RNF17: variants seen among roughly 807,000 people sequenced by gnomAD.
RNF17 encodes the protein spermatogenesis associated 23.
In RNF17, 31 loss-of-function variants were observed where a neutral mutation model predicts 200.5. The observed-to-expected ratio is 0.15, with a 90% confidence interval of 0.12 to 0.21. The LOEUF (loss-of-function observed/expected upper bound fraction) is 0.21, where lower values mean the gene tolerates loss of function less well. Among genes scored for constraint, RNF17 ranks in the 10% least tolerant of loss-of-function variants. RNF17 has a pLI of 1.00. For missense variants in RNF17, 1,628 were observed against 1,905.1 expected (o/e 0.85, Z 2.71); for synonymous variants, 606 against 637.8 (o/e 0.95, Z 0.75).
intron 14 of RNF17, 33 bp from the exon 15 acceptor site, chr13:24,804,255 C>G: frequency 6.3e-7 from 1 of 1,595,736 alleles, no homozygotes; most frequent in Non-Finnish European, 8.6e-7. Flanking sequence ...AGGGTGAGAC[C>G]CTGCTTACGC....
intron 24 of RNF17, 74 bp from the exon 25 acceptor site, chr13:24,853,781 A>AT: frequency 8.8e-7 from 1 of 1,132,726 alleles, no homozygotes; most frequent in Non-Finnish European, 1.2e-6. Context: ...TATCTGAATG[A>AT]TTCTTTTTAT....
intron 1 of RNF17, among the ~76,000 whole-genome samples, chr13:24,764,604 G>T (rs1055446341): frequency 2.0e-5 from 3 of 152,214 alleles, no homozygotes; most frequent in Non-Finnish European, 4.4e-5. Flanking sequence ...GGCCCGGGTG[G>T]CTTTAATCTA....
intron 18 of RNF17, among the ~76,000 whole-genome samples, chr13:24,840,501 A>G (rs1890503888): frequency 6.7e-6 from 1 of 148,812 alleles, no homozygotes; most frequent in African/African-American, 2.5e-5. Flanking sequence ...ATGAGTGGAT[A>G]AAGAAACTGT....
intron 11 of RNF17, among the ~76,000 whole-genome samples, chr13:24,797,706 G>GTGTGTGTGTC (rs1555269373): frequency 0.015 from 854 of 56,606 alleles, 12 homozygotes; most frequent in African/African-American, 0.028. Context: ...GAGACAAAGA[G>GTGTGTGTGTC]TGTGTGTGTG....
chr13:24,770,002 C>T (rs1880419192), intron 2 of RNF17, among the ~76,000 whole-genome samples: 1 of 152,034 alleles, frequency 6.6e-6, no homozygotes. Flanking sequence ...TACCTAGGTG[C>T]TATATTAGAA....
intron 10 of RNF17, among the ~76,000 whole-genome samples, chr13:24,795,743 G>T (rs1191832629): frequency 6.6e-6 from 1 of 152,086 alleles, no homozygotes; most frequent in East Asian, 1.9e-4. Context: ...GCTTTTGTAG[G>T]TTATCCTAGA....
chr13:24,795,772 A>C (rs1430483709), intron 10 of RNF17, among the ~76,000 whole-genome samples: 1 of 152,164 alleles, frequency 6.6e-6, no homozygotes, highest in Non-Finnish European at 1.5e-5. Flanking sequence ...CATTATCAGT[A>C]GGGGTTCTGA....
In RNF17 at chr13:24,798,811, A is replaced by G. The variant is rs140664122; in HGVS notation, c.1400-584A>G. Among the ~76,000 whole-genome samples the G allele has an allele frequency of 1.9e-3, 288 of 152,166 alleles. 1 individual carries two copies. Among genetic ancestry groups the G allele is most frequent in the African/African-American group, 6.6e-3 (274 of 41,538 alleles). On this transcript the variant is annotated intron_variant, in intron 11 of 35. Transcript: ENST00000255324. Reference sequence around the variant, plus strand: ...TTCCTGGTTGTTAATTTGTAATCCAACTGGTCCCTACAAAGGTCTTCCTCT... The same window carrying G: ...TTCCTGGTTGTTAATTTGTAATCCAGCTGGTCCCTACAAAGGTCTTCCTCT...
chr13:24,854,041 T>G lies in RNF17; in HGVS notation c.3507T>G (p.Thr1169=). The G allele has an allele frequency of 6.2e-7, 1 of 1,613,978 alleles. No individual in the cohort carries two copies. Residue 1169 remains threonine, a synonymous_variant, in exon 25 of 36, where the codon ACT becomes ACG. Coordinates refer to ENST00000255324, the MANE Select transcript of RNF17 (RefSeq NM_031277.3). ...AGAAAATTCTAGAACCAAGAACCAC[T>G]AGAGGGTATAAGCCACCAGCTATTC... ...FQEKILEPRT[T]RGYKPPAIPN... is the part of the protein sequence containing the mutation.
At chr13:24,771,139 CTTG>C (rs1177927055) in intron 2 of RNF17, among the ~76,000 whole-genome samples, 1 of 151,854 alleles carries the variant, frequency 6.6e-6, no homozygotes, top group African/African-American at 2.4e-5. Flanking sequence ...TTTTTCCTAA[CTTG>C]TTGTTTGTTG....
the RNF17 span, among the ~76,000 whole-genome samples, chr13:24,752,607 G>A: frequency 2.6e-4 from 39 of 152,350 alleles, no homozygotes; most frequent in African/African-American, 8.9e-4. Flanking sequence ...TGGCCATCAA[G>A]ATAATTAAAG....
intron 6 of RNF17, among the ~76,000 whole-genome samples, chr13:24,784,552 T>C (rs1445380700): frequency 1.3e-5 from 2 of 152,210 alleles, no homozygotes; most frequent in Non-Finnish European, 2.9e-5. Context: ...AATACTTTTA[T>C]GAGTCAGTTG....
chr13:24,792,839 G>T (rs1180002666), intron 9 of RNF17, among the ~76,000 whole-genome samples: 1 of 152,112 alleles, frequency 6.6e-6, no homozygotes, highest in Admixed American at 6.6e-5. Context: ...AGATTTGATA[G>T]CCTAAAAACT....
At chr13:24,749,195 A>G in the RNF17 span, among the ~76,000 whole-genome samples, 5 of 152,102 alleles carry the variant, frequency 3.3e-5, no homozygotes, top group South Asian at 2.1e-4. Context: ...TTGTTACTCA[A>G]TTTTGATTTG....
chr13:24,884,381 G>A, downstream of RNF17: 1 of 1,614,078 alleles, frequency 6.2e-7, no homozygotes. Flanking sequence ...GACAGTGATG[G>A]TCTTCCCATC....
intron 15 of RNF17, among the ~76,000 whole-genome samples, chr13:24,823,181 C>T (rs1566181959): frequency 6.6e-6 from 1 of 152,166 alleles, no homozygotes; most frequent in Non-Finnish European, 1.5e-5. Context: ...TCAAGCAATT[C>T]TCCTGCCTCA....
chr13:24,870,869 T>C, intron 32 of RNF17, 130 bp downstream of exon 32: 1 of 623,788 alleles, frequency 1.6e-6, no homozygotes, highest in Non-Finnish European at 2.6e-6. Context: ...CATGATTTCC[T>C]GTAATCCTCA....
At chr13:24,870,027 C>T (rs1475523598) in intron 31 of RNF17, among the ~76,000 whole-genome samples, 1 of 150,642 alleles carries the variant, frequency 6.6e-6, no homozygotes, top group African/African-American at 2.4e-5. Context: ...CTGCAAGCTC[C>T]ACTTCCCGGG....
intron 18 of RNF17, among the ~76,000 whole-genome samples, chr13:24,839,819 T>C (rs985878787): frequency 2.6e-5 from 4 of 152,214 alleles, no homozygotes; most frequent in African/African-American, 9.6e-5. Flanking sequence ...GACATTGGCT[T>C]AGGCAAGGAT....
Sources: gnomAD v4.1 joint callset for allele counts (sites outside exome capture counted in the v4.1 genomes callset) on GRCh38, gnomAD v4.1.1 for gene constraint, MANE v1.5 for transcripts, NCBI Gene and HGNC (gene_info 2026-07-23, HGNC 2026-07-21) for gene names.